The following CCDC150 variants were observed in gnomAD, a reference collection of about 807,000 sequenced individuals.
The protein encoded by CCDC150 is coiled-coil domain-containing protein 150.
A neutral mutation model predicts 156.5 loss-of-function variants in CCDC150; 151 were observed. The observed-to-expected ratio is 0.97, with a 90% CI of 0.85 to 1.10. CCDC150 has a LOEUF of 1.10. Ranked by LOEUF, CCDC150 falls within the 50% of genes least tolerant of loss-of-function variation. The pLI is 0.00. For missense variants in CCDC150, 1,312 were observed against 1,268.1 expected (o/e 1.03, Z -0.53); for synonymous variants, 452 against 429.4 (o/e 1.05, Z -0.65).
chr2:196,729,961 T>C lies in CCDC150; in HGVS notation c.2825T>C (p.Leu942Ser), dbSNP rs761001619. ...QYQKKNYEQS[L>S]SIQRFVCEMT... is the part of the protein sequence containing the mutation. The stretch of plus-strand genomic sequence containing the variant: ...TCTGTCTTTGTATCCTTCCAGTCTT[T>C]GAGTATCCAGAGATTTGTGTGTGAA... Residue 942 changes from leucine to serine, a missense_variant, in exon 25 of 28, where the codon TTG becomes TCG. By Grantham distance (145) the Leu-to-Ser change is moderately radical (BLOSUM62 -2). Coordinates refer to ENST00000389175, the MANE Select transcript of CCDC150 (RefSeq NM_001080539.2). 9 of 1,611,804 alleles carry C rather than the reference T, an allele frequency of 5.6e-6. No homozygotes were observed. Among genetic ancestry groups the C allele is most frequent in the Non-Finnish European group, 5.9e-6 (7 of 1,179,206 alleles).
At position 196,720,637 on chromosome 2, in the gene CCDC150, T is replaced by A. The variant is rs1553567122; in HGVS notation, c.2228T>A (p.Met743Lys). 1 of 1,613,908 alleles carries A rather than the reference T, an allele frequency of 6.2e-7. No homozygotes were observed. Among genetic ancestry groups the A allele is most frequent in the Non-Finnish European group, 8.5e-7 (1 of 1,179,846 alleles). ...EAEVDQWQAR[M>K]LVMEDQHNSE... ...GAAGTGGACCAGTGGCAGGCCAGGA[T>A]GCTTGTCATGGAGGACCAGCACAAC... The change falls in exon 20 of 28, where the codon ATG becomes AAG. Residue 743 changes from methionine to lysine, a missense_variant. Transcript: ENST00000389175.
chr2:196,695,515 T>TC (rs1261653341), intron 14 of CCDC150, among the ~76,000 whole-genome samples: 1 of 152,142 alleles, frequency 6.6e-6, no homozygotes, highest in African/African-American at 2.4e-5. Flanking sequence ...TTTGACAAGG[T>TC]CAGTGCATTA....
chr2:196,729,587 C>T, intron 23 of CCDC150, 200 bp downstream of exon 23: 1 of 659,902 alleles, frequency 1.5e-6, no homozygotes, highest in Non-Finnish European at 2.6e-6. Context: ...GCCAGTGTCA[C>T]ATTCCGGCTC....
intron 13 of CCDC150, among the ~76,000 whole-genome samples, chr2:196,680,165 A>C (rs1246381724): frequency 3.3e-5 from 5 of 152,042 alleles, no homozygotes; most frequent in African/African-American, 1.2e-4. Flanking sequence ...ATACTTTTTG[A>C]ATTTTTGCCT....
intron 13 of CCDC150, 136 bp downstream of exon 13, chr2:196,677,497 C>T (rs1399292615): frequency 7.8e-6 from 5 of 644,732 alleles, no homozygotes; most frequent in African/African-American, 5.5e-5. Flanking sequence ...AGCTGGATGC[C>T]ACTCAGAGCA....
chr2:196,711,345 G>C (rs1020953054), intron 15 of CCDC150, among the ~76,000 whole-genome samples: 2 of 152,106 alleles, frequency 1.3e-5, no homozygotes. Flanking sequence ...AAAATGTCCA[G>C]TAGCTAGTGA....
chr2:196,729,246 C>T lies in CCDC150; in HGVS notation c.2610C>T (p.Thr870=). ...ANFRSVEVSR[T]NRELRQKLAE... The stretch of plus-strand genomic sequence containing the variant: ...TCAGATCAGTGGAAGTGTCCCGGAC[C>T]AACCGAGAGCTGCGACAGAAACTTG... Residue 870 remains threonine, a synonymous_variant, in exon 23 of 28, where the codon ACC becomes ACT. Transcript: ENST00000389175. 6.2e-7 allele frequency: 1 copy of T among 1,613,784 alleles called. No individual in the cohort carries two copies. Among genetic ancestry groups the T allele is most frequent in the Non-Finnish European group, 8.5e-7 (1 of 1,179,846 alleles).
At chr2:196,726,789 C>G (rs1698233186) in intron 22 of CCDC150, 1 of 152,188 alleles carries the variant, frequency 6.6e-6, no homozygotes, top group South Asian at 2.1e-4. Context: ...AGAGCAGAGA[C>G]TTTGGAAAAT....
At chr2:196,687,009 T>C (rs531951836) in intron 13 of CCDC150, among the ~76,000 whole-genome samples, 1 of 152,330 alleles carries the variant, frequency 6.6e-6, no homozygotes, top group African/African-American at 2.4e-5. Flanking sequence ...CAGTCTATCA[T>C]TGATGAGCAT....
rs559384678 is a variant in CCDC150, at chr2:196,669,708, A to G, written c.893-125A>G. 9.0e-5 allele frequency: 59 copies of G among 653,858 alleles called. No homozygotes were observed. In the Middle Eastern group the frequency reaches 1.6e-3, roughly 18 times the overall value. The allele number at this position is 653,858 out of a possible 1,614,324, so 40.5% of individuals were successfully genotyped here. ...ACAGTTTCTAGTCTATAAAAATATT[A>G]TAGAAATAGTTGGGTTCTCCTTATC... is the stretch of plus-strand genomic sequence containing the variant. On this transcript the variant is annotated intron_variant, in intron 7 of 27. Transcript: ENST00000389175.
In CCDC150 at chr2:196,720,616, T is replaced by G; in HGVS notation, c.2207T>G (p.Val736Gly). Residue 736 changes from valine to glycine, a missense_variant, in exon 20 of 28, where the codon GTG (valine) becomes GGG (glycine). Physicochemically the swap from Val to Gly is moderately radical, Grantham distance 109. Transcript: ENST00000389175. ...AGGGTGCAGAAGCTGGAAGCTGAAGTGGACCAGTGGCAGGCCAGGATGCTT... is the reference window on the plus strand; with the variant it reads ...AGGGTGCAGAAGCTGGAAGCTGAAGGGGACCAGTGGCAGGCCAGGATGCTT... ...QQRVQKLEAE[V>G]DQWQARMLVM... The G allele has an allele frequency of 6.2e-7, 1 of 1,613,952 alleles. No homozygotes were observed. The highest frequency in any genetic ancestry group is 8.5e-7 in the Non-Finnish European group (1 of 1,179,864).
chr2:196,674,341 T>G lies in CCDC150; in HGVS notation c.1130T>G (p.Ile377Ser). 6.3e-7 allele frequency: 1 copy of G among 1,594,994 alleles called. No individual in the cohort carries two copies. The highest frequency in any genetic ancestry group is 8.6e-7 in the Non-Finnish European group (1 of 1,169,378). ...KARIIADHQA[I>S]LQVEQKMMTQ... ...AGAATCATTGCTGACCATCAGGCCA[T>G]TCTGCAGGTATTCGTTTAACATGAA... is the stretch of plus-strand genomic sequence containing the variant. The change falls in exon 10 of 28, where the codon ATT becomes AGT. Residue 377 changes from isoleucine (I) to serine (S), a missense_variant. Transcript: ENST00000389175.
chr2:196,662,695 G>A (rs542014100), intron 5 of CCDC150, among the ~76,000 whole-genome samples: 1 of 151,956 alleles, frequency 6.6e-6, no homozygotes, highest in Non-Finnish European at 1.5e-5. Flanking sequence ...ACACAAATAG[G>A]CAAAGTGTTA....
At chr2:196,709,987 A>C (rs1696982885) in intron 15 of CCDC150, among the ~76,000 whole-genome samples, 6 of 152,218 alleles carry the variant, frequency 3.9e-5, no homozygotes, top group African/African-American at 1.4e-4. Context: ...TTGAGGAGGC[A>C]GTCTGTCTGT....
rs1305886077 is a variant in CCDC150 at position 196,732,686 on chromosome 2, T to G, written c.*124T>G. On this transcript the variant is annotated 3_prime_UTR_variant, in exon 28 of 28. Transcript: ENST00000389175. ...AAGTCTTTGATGTGGGCTGAAGATT[T>G]TGGACCTGAGTTTATCACTTTATGA... 1.5e-6 allele frequency: 1 copy of G among 671,842 alleles called. No homozygotes were observed. The highest frequency in any genetic ancestry group is 1.7e-5 in the South Asian group (1 of 57,486). The allele number at this position is 671,842 out of a possible 1,614,324, so 41.6% of individuals were successfully genotyped here.
intron 15 of CCDC150, 45 bp downstream of exon 15, chr2:196,701,225 T>C (rs921219687): frequency 7.9e-7 from 1 of 1,260,018 alleles, no homozygotes; most frequent in Non-Finnish European, 1.1e-6. Context: ...ATTTTAAAAA[T>C]ACCAATTATC....
rs1698552244 is a variant in CCDC150 at position 196,732,140 on chromosome 2, G to A, written c.3177G>A (p.Arg1059=). 2.5e-6 allele frequency: 4 copies of A among 1,613,870 alleles called. No homozygotes were observed. The highest frequency in any genetic ancestry group is 3.4e-6 in the Non-Finnish European group (4 of 1,179,832). ...NRLQRPSGED[R]WQEKDQDVKH... ...TGCAGAGGCCTTCTGGGGAAGACAG[G>A]TGGCAGGAAAAGGTAAGATTAAGAC... Residue 1059 remains arginine (R), a synonymous_variant, in exon 27 of 28, where the codon AGG becomes AGA. Coordinates refer to ENST00000389175, the MANE Select transcript of CCDC150 (RefSeq NM_001080539.2).
intron 13 of CCDC150, among the ~76,000 whole-genome samples, chr2:196,690,805 A>C (rs1436700626): frequency 6.6e-6 from 1 of 152,092 alleles, no homozygotes. Context: ...AAATGGCTCT[A>C]CCTTTTGTCA....
At chr2:196,676,370 C>G in intron 11 of CCDC150, 103 bp downstream of exon 11, 9 of 1,468,562 alleles carry the variant, frequency 6.1e-6, no homozygotes, top group Non-Finnish European at 8.3e-6. Context: ...ACATTTGATT[C>G]TGCATTTTTT....
Sources: gnomAD v4.1 joint callset for allele counts (sites outside exome capture counted in the v4.1 genomes callset) on GRCh38, gnomAD v4.1.1 for gene constraint, MANE v1.5 for transcripts, NCBI Gene and HGNC (gene_info 2026-07-23, HGNC 2026-07-21) for gene names.